IGSF11: variants seen among roughly 807,000 people sequenced by gnomAD.
The protein encoded by IGSF11 is CXADR like 1.
IGSF11 carries 22 observed loss-of-function variants against 41.0 expected under a neutral mutation model. The ratio of observed to expected loss-of-function variants is 0.54; its 90% CI spans 0.38 to 0.77. The LOEUF (loss-of-function observed/expected upper bound fraction) is 0.77, where lower values mean the gene tolerates loss of function less well. Among genes scored for constraint, IGSF11 ranks in the 30% least tolerant of loss-of-function variants. The pLI is 0.00. For missense variants in IGSF11, 444 were observed against 530.8 expected, an observed-to-expected ratio of 0.84 and a Z score of 1.61; for synonymous variants, 219 against 201.3, an observed-to-expected ratio of 1.09 and a Z score of -0.74.
chr3:118,996,766 A>AT (rs566716187), intron 1 of IGSF11, among the ~76,000 whole-genome samples: 284 of 151,974 alleles, frequency 1.9e-3, no homozygotes, highest in African/African-American at 6.7e-3. Flanking sequence ...TGCCTGGCTA[A>AT]TTTTTTGTAT....
rs1389194315 is a variant in IGSF11, at chr3:118,941,877, T to TA, written c.53-11603dup. ...GAAATAATCCAGAAACAAATGGCTA[T>TA]ATACTGCATGTATCCATTAAAAAAA... On this transcript the variant is annotated intron_variant, in intron 1 of 6. Transcript: ENST00000393775. Among the ~76,000 whole-genome samples the TA allele has an allele frequency of 2.6e-5, 4 of 152,130 alleles. No homozygotes were observed. The East Asian group carries it at 7.7e-4, about 29-fold the overall frequency.
Position 118,902,644 on chromosome 3 carries a change from G to A in IGSF11, c.1172C>T (p.Ser391Leu). ...TGGAGGCCGAGGCTTCCTACTGACT[G>A]AGCCATTGCTCCTGGACATCACCTG... ...SPQVMSRSNGSVSRKPRPPHT... is the reference protein window; with the variant it reads ...SPQVMSRSNGLVSRKPRPPHT... Residue 391 changes from serine (S) to leucine (L), a missense_variant, in exon 7 of 7, where the codon TCA (serine) becomes TTA (leucine). Transcript: ENST00000393775. 2 of 1,614,104 alleles carry A rather than the reference G, an allele frequency of 1.2e-6. No individual in the cohort carries two copies. The highest frequency in any genetic ancestry group is 1.7e-6 in the Non-Finnish European group (2 of 1,179,990).
At chr3:118,957,618 G>A (rs1227885475) in intron 1 of IGSF11, among the ~76,000 whole-genome samples, 2 of 152,170 alleles carry the variant, frequency 1.3e-5, no homozygotes, top group African/African-American at 4.8e-5. Context: ...GCCATTCCTT[G>A]TAGGCTAGCT....
At chr3:118,905,569 T>C in intron 5 of IGSF11, 27 bp downstream of exon 5, 4 of 1,613,176 alleles carry the variant, frequency 2.5e-6, no homozygotes, top group Non-Finnish European at 3.4e-6. Context: ...AGACCCATGG[T>C]TGACATCAGA....
At chr3:118,986,588 A>G (rs1473797724) in intron 1 of IGSF11, among the ~76,000 whole-genome samples, 2 of 152,218 alleles carry the variant, frequency 1.3e-5, no homozygotes, top group Non-Finnish European at 2.9e-5. Context: ...TGCCAAGTAC[A>G]TACTTTCACC....
intron 1 of IGSF11, among the ~76,000 whole-genome samples, chr3:119,010,767 A>G (rs1455163322): frequency 6.6e-6 from 1 of 152,174 alleles, no homozygotes; most frequent in Non-Finnish European, 1.5e-5. Context: ...CTACATATCT[A>G]TATATATCTA....
chr3:119,097,957 A>ATTTTTTTTTTTTTTTTT lies in IGSF11; in HGVS notation c.49+7170_49+7186dup, dbSNP rs377746200. Among the ~76,000 whole-genome samples the ATTTTTTTTTTTTTTTTT allele has an allele frequency of 5.3e-4, 31 of 58,362 alleles. 4 individuals are homozygous for ATTTTTTTTTTTTTTTTT. Among genetic ancestry groups the ATTTTTTTTTTTTTTTTT allele is most frequent in the Non-Finnish European group, 9.2e-4 (27 of 29,260 alleles). 38.3% of individuals were successfully genotyped at this position (58,362 alleles called of 152,430 possible). On this transcript the variant is annotated intron_variant, in intron 1 of 6. Transcript: ENST00000354673. Reference sequence around the variant, plus strand: ...AGGCACATGCCACCACATTCAGCTAATTTTTTTTTTTTTTTTTTTTTTTTT... The same window carrying ATTTTTTTTTTTTTTTTT: ...AGGCACATGCCACCACATTCAGCTAATTTTTTTTTTTTTTTTTTTTTTTTTTTTTTTTTTTTTTTTTT...
intron 1 of IGSF11, among the ~76,000 whole-genome samples, chr3:119,041,703 G>A (rs76513633): frequency 0.01 from 1,570 of 152,316 alleles, 26 homozygotes; most frequent in African/African-American, 0.035. Flanking sequence ...TGGAGGAAAT[G>A]AGCAATATCC....
chr3:119,088,554 C>T (rs1451701347), intron 1 of IGSF11, among the ~76,000 whole-genome samples: 1 of 152,026 alleles, frequency 6.6e-6, no homozygotes, highest in African/African-American at 2.4e-5. Flanking sequence ...TGAAACAGGA[C>T]AAACCAACTC....
At chr3:118,926,915 T>G (rs1387658134) in intron 3 of IGSF11, among the ~76,000 whole-genome samples, 2 of 152,160 alleles carry the variant, frequency 1.3e-5, no homozygotes, top group Non-Finnish European at 2.9e-5. Flanking sequence ...AACAAAACCA[T>G]AAACTAAGCC....
chr3:119,119,907 C>G (rs2077309851), intron 1 of IGSF11, among the ~76,000 whole-genome samples: 1 of 152,230 alleles, frequency 6.6e-6, no homozygotes, highest in Non-Finnish European at 1.5e-5. Context: ...ATGACTTTGA[C>G]AGCACCCAAG....
intron 1 of IGSF11, among the ~76,000 whole-genome samples, chr3:119,030,931 T>C (rs1289651588): frequency 1.3e-5 from 2 of 152,176 alleles, no homozygotes; most frequent in Admixed American, 6.5e-5. Context: ...TTAGTCTAGA[T>C]AACAATAGAT....
chr3:118,932,232 C>T (rs918683877), intron 1 of IGSF11, among the ~76,000 whole-genome samples: 9 of 152,118 alleles, frequency 5.9e-5, no homozygotes, highest in Admixed American at 5.9e-4. Flanking sequence ...TCAAAATAGG[C>T]CATGGAGACC....
intron 4 of IGSF11, among the ~76,000 whole-genome samples, chr3:118,909,314 TAATG>T (rs960569429): frequency 1.3e-5 from 2 of 152,146 alleles, no homozygotes; most frequent in African/African-American, 4.8e-5. Context: ...GGCTATATAA[TAATG>T]GATGTATACT....
rs1206142202 is a variant in IGSF11, at chr3:118,926,267, A to G, written c.425-11T>C. On this transcript the variant is annotated splice_polypyrimidine_tract_variant and intron_variant, in intron 3 of 6. Coordinates refer to ENST00000393775, the MANE Select transcript of IGSF11 (RefSeq NM_001015887.3). ...GGGCAGAAGGGGGAACTATAACAGG[A>G]AGAATAAGCAATAAAGTACACATTT... The G allele has an allele frequency of 1.3e-6, 2 of 1,572,198 alleles. No homozygotes were observed. Among genetic ancestry groups the G allele is most frequent in the Non-Finnish European group, 8.7e-7 (1 of 1,153,592 alleles).
rs551344691 is a variant in IGSF11 at position 118,931,852 on chromosome 3, C to A, written c.53-1577G>T. On this transcript the variant is annotated intron_variant, in intron 1 of 6. Coordinates refer to ENST00000393775, the MANE Select transcript of IGSF11 (RefSeq NM_001015887.3). ...GGTTCATGCCATTCTCCTGCCTCAG[C>A]CTCCCAAGTAGATGGGACTACAGGC... 7.2e-5 allele frequency among the ~76,000 whole-genome samples: 11 copies of A among 152,008 alleles called. No homozygotes were observed. The South Asian group carries it at 8.3e-4, about 12-fold the overall frequency.
At chr3:119,001,510 G>A (rs1037892480) in intron 1 of IGSF11, among the ~76,000 whole-genome samples, 1 of 132,102 alleles carries the variant, frequency 7.6e-6, no homozygotes, top group Non-Finnish European at 1.6e-5. Context: ...TAGGGTACAT[G>A]TGCACATTGT....
chr3:118,994,689 C>T (rs568327385), intron 1 of IGSF11, among the ~76,000 whole-genome samples: 1 of 152,284 alleles, frequency 6.6e-6, no homozygotes, highest in African/African-American at 2.4e-5. Context: ...GGGCCTAATA[C>T]CCAAGGAGTT....
At chr3:118,960,750 C>T (rs1276832644) in intron 1 of IGSF11, among the ~76,000 whole-genome samples, 1 of 152,132 alleles carries the variant, frequency 6.6e-6, no homozygotes, top group African/African-American at 2.4e-5. Flanking sequence ...CATAGTAAGG[C>T]TACAAATCTA....
Sources: allele counts gnomAD v4.1 joint callset (sites outside exome capture counted in the v4.1 genomes callset), GRCh38; gene constraint gnomAD v4.1.1; transcripts MANE v1.5; gene names NCBI Gene and HGNC (gene_info 2026-07-23, HGNC 2026-07-21).